CAMK1D: variants seen among roughly 807,000 people sequenced by gnomAD.
CAMK1D encodes the protein calcium/calmodulin-dependent protein kinase type 1D.
CAMK1D carries 9 observed loss-of-function variants against 47.7 expected under a neutral mutation model. The ratio of observed to expected loss-of-function variants is 0.19; its 90% CI spans 0.11 to 0.33. CAMK1D has a LOEUF of 0.33. CAMK1D is among the 10% of genes least tolerant of loss of function. CAMK1D has a pLI of 1.00. For missense variants in CAMK1D, 291 were observed against 488.7 expected (o/e 0.60, Z 3.81); for synonymous variants, 184 against 184.9 (o/e 0.99, Z 0.04).
intron 2 of CAMK1D, among the ~76,000 whole-genome samples, chr10:12,637,187 A>G (rs4750245): frequency 0.47 from 71,116 of 151,718 alleles, 17,124 homozygotes; most frequent in South Asian, 0.63. Flanking sequence ...GGCCAGGCTG[A>G]TCTTGAACTC....
chr10:12,403,656 T>G (rs1029449546), intron 1 of CAMK1D, among the ~76,000 whole-genome samples: 16 of 152,208 alleles, frequency 1.1e-4, no homozygotes, highest in African/African-American at 3.9e-4. Context: ...AGAATGGGGA[T>G]AGAAACCTCC....
intron 1 of CAMK1D, among the ~76,000 whole-genome samples, chr10:12,542,285 G>A (rs565748594): frequency 6.6e-6 from 1 of 152,160 alleles, no homozygotes; most frequent in African/African-American, 2.4e-5. Context: ...GAGGCTGGGG[G>A]GTAACGTCTG....
chr10:12,494,918 A>G (rs1834491978), intron 1 of CAMK1D, among the ~76,000 whole-genome samples: 1 of 152,180 alleles, frequency 6.6e-6, no homozygotes, highest in African/African-American at 2.4e-5. Flanking sequence ...TTGGTTGACT[A>G]AGAACTGAGT....
chr10:12,601,612 C>A (rs548030806), intron 2 of CAMK1D, among the ~76,000 whole-genome samples: 1 of 152,106 alleles, frequency 6.6e-6, no homozygotes, highest in African/African-American at 2.4e-5. Flanking sequence ...TACAGGCACC[C>A]GCCACCACGT....
At chr10:12,703,912 A>G (rs1833629655) in intron 3 of CAMK1D, among the ~76,000 whole-genome samples, 2 of 152,306 alleles carry the variant, frequency 1.3e-5, no homozygotes, top group East Asian at 3.9e-4. Context: ...TAAAGGAGAA[A>G]TGAAAAGCTG....
intron 6 of CAMK1D, among the ~76,000 whole-genome samples, chr10:12,804,658 G>A (rs1588949179): frequency 6.6e-6 from 1 of 151,746 alleles, no homozygotes; most frequent in Admixed American, 6.6e-5. Context: ...TACAGGCTGA[G>A]TATGATGGCT....
chr10:12,483,426 C>T (rs532993323), intron 1 of CAMK1D, among the ~76,000 whole-genome samples: 2 of 152,114 alleles, frequency 1.3e-5, no homozygotes, highest in Non-Finnish European at 2.9e-5. Context: ...TTCTTGACCT[C>T]CTGGGCTCAA....
At chr10:12,369,685 G>A (rs186407733) in intron 1 of CAMK1D, among the ~76,000 whole-genome samples, 12 of 152,260 alleles carry the variant, frequency 7.9e-5, no homozygotes, top group East Asian at 1.9e-4. Context: ...TTGGCCAGGC[G>A]TGGCGGCTCA....
intron 1 of CAMK1D, among the ~76,000 whole-genome samples, chr10:12,391,175 C>T (rs1423727633): frequency 6.6e-6 from 1 of 152,272 alleles, no homozygotes; most frequent in East Asian, 1.9e-4. Flanking sequence ...AGATCTTTGC[C>T]TGGATTCTTG....
intron 2 of CAMK1D, among the ~76,000 whole-genome samples, chr10:12,637,550 A>T (rs1292352944): frequency 6.7e-6 from 1 of 149,648 alleles, no homozygotes; most frequent in African/African-American, 2.5e-5. Context: ...AGAAATGCCA[A>T]ATATTTCCCA....
chr10:12,429,601 A>C lies in CAMK1D; in HGVS notation c.92+79691A>C, dbSNP rs540744783. 3.3e-5 allele frequency among the ~76,000 whole-genome samples: 5 copies of C among 152,042 alleles called. No individual in the cohort carries two copies. In the South Asian group the frequency reaches 1.0e-3, roughly 32 times the overall value. On this transcript the variant is annotated intron_variant, in intron 1 of 10. Coordinates refer to ENST00000619168, the MANE Select transcript of CAMK1D (RefSeq NM_153498.4). ...GTGATCCACTCACCTCAGCCTCCCA[A>C]AGTGCTGGGATTACAGGCGTGAGCC...
intron 2 of CAMK1D, among the ~76,000 whole-genome samples, chr10:12,621,908 G>A (rs1475278070): frequency 6.6e-6 from 1 of 152,158 alleles, no homozygotes; most frequent in Non-Finnish European, 1.5e-5. Context: ...TCCAGGAGAA[G>A]AAGGGAGTGG....
chr10:12,828,375 T>C (rs1245112426), intron 10 of CAMK1D, among the ~76,000 whole-genome samples: 1 of 152,012 alleles, frequency 6.6e-6, no homozygotes, highest in Non-Finnish European at 1.5e-5. Flanking sequence ...GCGCGGTGGC[T>C]CACACCCGTA....
At position 12,551,576 on chromosome 10, in the gene CAMK1D, G is replaced by A. The variant is rs569869254; in HGVS notation, c.93-1649G>A. Among the ~76,000 whole-genome samples the A allele has an allele frequency of 3.9e-5, 6 of 152,072 alleles. No homozygotes were observed. The East Asian group carries it at 9.7e-4, about 25-fold the overall frequency. ...TCGAGACCAGCCTGGGAAACATGGT[G>A]AAAATACAAAAATTAGCCAGATGTG... On this transcript the variant is annotated intron_variant, in intron 1 of 10. Transcript: ENST00000619168.
chr10:12,703,715 A>G (rs1350718362), intron 3 of CAMK1D, among the ~76,000 whole-genome samples: 1 of 152,118 alleles, frequency 6.6e-6, no homozygotes, highest in African/African-American at 2.4e-5. Flanking sequence ...CTGAAAATAC[A>G]AAAATTAACC....
chr10:12,553,255 A>G lies in CAMK1D; in HGVS notation c.123A>G (p.Glu41=). 1 of 1,614,198 alleles carries G rather than the reference A, an allele frequency of 6.2e-7. No individual in the cohort carries two copies. The highest frequency in any genetic ancestry group is 8.5e-7 in the Non-Finnish European group (1 of 1,180,036). Residue 41 remains glutamate (E), a synonymous_variant, in exon 2 of 11, where the codon GAA becomes GAG. Transcript: ENST00000619168. ...CCTTTTCCGAAGTGGTTTTAGCTGA[A>G]GAGAAGGCAACTGGCAAGCTCTTTG... The part of the protein sequence containing the change: ...TGAFSEVVLA[E]EKATGKLFAV...
intron 2 of CAMK1D, among the ~76,000 whole-genome samples, chr10:12,631,644 G>C (rs1366001611): frequency 6.6e-6 from 1 of 151,530 alleles, no homozygotes; most frequent in Non-Finnish European, 1.5e-5. Context: ...TCTGCAGAAA[G>C]TAAAGCTCTC....
In CAMK1D at chr10:12,666,434, T is replaced by A. The variant is rs553104371; in HGVS notation, c.225-302T>A. Among the ~76,000 whole-genome samples the A allele has an allele frequency of 7.2e-5, 11 of 152,258 alleles. No homozygotes were observed. The East Asian group carries it at 1.9e-3, about 27-fold the overall frequency. On this transcript the variant is annotated intron_variant, in intron 2 of 10. Coordinates refer to ENST00000619168, the MANE Select transcript of CAMK1D (RefSeq NM_153498.4). ...CTGCCCAGTGGCTCAGCCCTCTGAG[T>A]TGGGCTCTACAAGATAATAGGTTTG... is the stretch of plus-strand genomic sequence containing the variant.
chr10:12,431,779 A>C (rs1158332228), intron 1 of CAMK1D, among the ~76,000 whole-genome samples: 1 of 152,368 alleles, frequency 6.6e-6, no homozygotes, highest in Middle Eastern at 3.4e-3. Flanking sequence ...ACTAGAAGTG[A>C]CAGCTATTAT....
Sources: allele counts gnomAD v4.1 joint callset (sites outside exome capture counted in the v4.1 genomes callset), GRCh38; gene constraint gnomAD v4.1.1; transcripts MANE v1.5; gene names NCBI Gene and HGNC (gene_info 2026-07-23, HGNC 2026-07-21).